The following RIC3 variants were observed in gnomAD, a reference collection of about 807,000 sequenced individuals.
RIC3 encodes protein RIC-3.
In RIC3, 28 loss-of-function variants were observed where a neutral mutation model predicts 27.3. That is an observed-to-expected ratio of 1.02 (90% CI 0.76 to 1.41). The LOEUF is 1.41. Among genes scored for constraint, RIC3 ranks in the 40% most tolerant of loss-of-function variants. The pLI is 0.00. For missense variants in RIC3, 501 were observed against 444.7 expected, an observed-to-expected ratio of 1.13 and a Z score of -1.14; for synonymous variants, 184 against 160.4, an observed-to-expected ratio of 1.15 and a Z score of -1.11.
intron 1 of RIC3, among the ~76,000 whole-genome samples, chr11:8,144,054 T>C (rs1949377678): frequency 6.6e-6 from 1 of 152,176 alleles, no homozygotes; most frequent in African/African-American, 2.4e-5. Flanking sequence ...CCTTAAACCT[T>C]AGACCTAAAA....
chr11:8,124,572 A>G (rs1196567901), intron 5 of RIC3, among the ~76,000 whole-genome samples: 1 of 152,196 alleles, frequency 6.6e-6, no homozygotes, highest in African/African-American at 2.4e-5. Context: ...GGAAATAGCC[A>G]AAATAATCTT....
downstream of RIC3, chr11:8,101,369 G>A (rs1322290934): frequency 6.1e-6 from 8 of 1,312,908 alleles, no homozygotes; most frequent in African/African-American, 1.5e-5. Context: ...GATTCCCCTG[G>A]CATCTCTGCT....
At chr11:8,094,114 A>C in the RIC3 span, 1 of 1,614,036 alleles carries the variant, frequency 6.2e-7, no homozygotes, top group African/African-American at 1.3e-5. Flanking sequence ...AGCTTCAGCC[A>C]AGAGAACCAA....
At chr11:8,139,684 T>C (rs1302667880) in intron 2 of RIC3, 1 of 338,244 alleles carries the variant, frequency 3.0e-6, no homozygotes, top group African/African-American at 2.2e-5. Flanking sequence ...CATTGAATTG[T>C]ATCACTCACT....
intron 5 of RIC3, among the ~76,000 whole-genome samples, chr11:8,125,554 G>C (rs546445167): frequency 1.3e-5 from 2 of 152,236 alleles, no homozygotes; most frequent in South Asian, 4.2e-4. Flanking sequence ...TTAGTCACTG[G>C]AGAAAGGTAA....
At chr11:8,149,991 C>A (rs901963709) in intron 1 of RIC3, among the ~76,000 whole-genome samples, 4 of 152,164 alleles carry the variant, frequency 2.6e-5, no homozygotes, top group African/African-American at 9.7e-5. Context: ...CTTTTGATGT[C>A]AGAGGGCTGA....
the RIC3 span, among the ~76,000 whole-genome samples, chr11:8,099,442 G>A: frequency 1.3e-5 from 2 of 152,112 alleles, no homozygotes; most frequent in African/African-American, 4.8e-5. Flanking sequence ...GGCACTTCTT[G>A]GAGGCCATCA....
intron 5 of RIC3, among the ~76,000 whole-genome samples, chr11:8,121,725 A>T (rs1014159407): frequency 1.6e-4 from 24 of 152,186 alleles, no homozygotes; most frequent in African/African-American, 5.6e-4. Context: ...GTCTCAAAAA[A>T]AATAATAATA....
At chr11:8,166,885 G>T (rs10839988) in intron 1 of RIC3, among the ~76,000 whole-genome samples, 2 of 151,344 alleles carry the variant, frequency 1.3e-5, no homozygotes, top group African/African-American at 4.9e-5. Flanking sequence ...CAGGGAAAGG[G>T]AAAGAGAAAG....
At position 8,110,555 on chromosome 11, in the gene RIC3, T is replaced by C. The variant is rs1945122236; in HGVS notation, c.*143A>G. 5 of 775,166 alleles carry C rather than the reference T, an allele frequency of 6.5e-6. No homozygotes were observed. Among genetic ancestry groups the C allele is most frequent in the Admixed American group, 3.8e-5 (2 of 52,670 alleles). The allele number at this position is 775,166 out of a possible 1,614,324, so 48.0% of individuals were successfully genotyped here. ...ACAGGTGTGTGAGCACCAGGAAGGATACATGATATCCATGATAGTGGCCTG... is the reference window on the plus strand; with the variant it reads ...ACAGGTGTGTGAGCACCAGGAAGGACACATGATATCCATGATAGTGGCCTG... On this transcript the variant is annotated 3_prime_UTR_variant, in exon 6 of 6. Transcript: ENST00000309737.
At chr11:8,144,715 A>G (rs1949482562) in intron 1 of RIC3, among the ~76,000 whole-genome samples, 1 of 150,214 alleles carries the variant, frequency 6.7e-6, no homozygotes, top group Non-Finnish European at 1.5e-5. Context: ...ATGCTGCTAT[A>G]AAGACACATG....
At chr11:8,131,229 C>T (rs1172635818) in intron 4 of RIC3, among the ~76,000 whole-genome samples, 4 of 152,114 alleles carry the variant, frequency 2.6e-5, no homozygotes, top group Admixed American at 1.3e-4. Context: ...CCTGACCTCA[C>T]GGAGCCTACA....
At chr11:8,117,708 A>C (rs1946007551) in intron 5 of RIC3, among the ~76,000 whole-genome samples, 1 of 152,240 alleles carries the variant, frequency 6.6e-6, no homozygotes, top group Non-Finnish European at 1.5e-5. Context: ...TCTCACCACA[A>C]AAATCCTTAA....
At chr11:8,101,146 C>A, downstream of RIC3, 1 of 1,005,578 alleles carries the variant, frequency 9.9e-7, no homozygotes, top group Non-Finnish European at 1.4e-6. Flanking sequence ...CTTTCTAACC[C>A]TAATGACTGG....
chr11:8,125,202 C>T (rs1350048317), intron 5 of RIC3, among the ~76,000 whole-genome samples: 1 of 149,350 alleles, frequency 6.7e-6, no homozygotes, highest in Admixed American at 6.7e-5. Context: ...TACAGTGAGC[C>T]GAGATGGCAC....
At chr11:8,115,468 A>G (rs1945739843) in intron 5 of RIC3, among the ~76,000 whole-genome samples, 1 of 152,176 alleles carries the variant, frequency 6.6e-6, no homozygotes, top group Non-Finnish European at 1.5e-5. Flanking sequence ...CTTCAAGTAG[A>G]GAGCAAGGGA....
rs1359936563 is a variant in RIC3 at position 8,145,059 on chromosome 11, T to G, written c.125-4866A>C. On this transcript the variant is annotated intron_variant, in intron 1 of 5. Coordinates refer to ENST00000309737, the MANE Select transcript of RIC3 (RefSeq NM_001206671.4). ...GTGGGGGGAGGGGGGAGGGATAGCATTGGGAGATATACCTAATGCTAGATG... is the reference window on the plus strand; with the variant it reads ...GTGGGGGGAGGGGGGAGGGATAGCAGTGGGAGATATACCTAATGCTAGATG... Among the ~76,000 whole-genome samples, 67 of 135,166 alleles carry G rather than the reference T, an allele frequency of 5.0e-4. 1 individual carries two copies. The highest frequency in any genetic ancestry group is 9.9e-4 in the Non-Finnish European group (62 of 62,792). 88.7% of individuals were successfully genotyped at this position (135,166 alleles called of 152,430 possible). A position where few individuals can be genotyped will look rare whatever the true frequency, so the allele number is the denominator to read the frequency against.
intron 1 of RIC3, among the ~76,000 whole-genome samples, chr11:8,140,459 T>C (rs79087820): frequency 0.013 from 2,050 of 152,300 alleles, 55 homozygotes; most frequent in African/African-American, 0.047. Flanking sequence ...AATGTGGCCA[T>C]ATAAACTGAG....
chr11:8,163,189 A>T (rs531282821), intron 1 of RIC3, among the ~76,000 whole-genome samples: 1 of 152,116 alleles, frequency 6.6e-6, no homozygotes, highest in East Asian at 1.9e-4. Flanking sequence ...TCACATAATC[A>T]TCTCATAATC....
Sources: gnomAD v4.1 joint callset for allele counts (sites outside exome capture counted in the v4.1 genomes callset) on GRCh38, gnomAD v4.1.1 for gene constraint, MANE v1.5 for transcripts, NCBI Gene and HGNC (gene_info 2026-07-23, HGNC 2026-07-21) for gene names.